Variants in PEAK1 observed in about 807,000 individuals in gnomAD.
PEAK1 encodes pseudopodium enriched atypical kinase 1.
A neutral mutation model predicts 124.7 loss-of-function variants in PEAK1; 54 were observed. That is an observed-to-expected ratio of 0.43 (90% CI 0.35 to 0.54). The LOEUF is 0.54. Ranked by LOEUF, PEAK1 falls within the 20% of genes least tolerant of loss-of-function variation. The pLI is 0.01. For synonymous variants in PEAK1, 719 were observed against 760.0 expected (o/e 0.95, Z 0.89); for missense variants, 2,046 against 2,134.5 (o/e 0.96, Z 0.82).
At chr15:77,243,423 ATTAT>A (rs1239142272) in intron 6 of PEAK1, among the ~76,000 whole-genome samples, 1 of 152,192 alleles carries the variant, frequency 6.6e-6, no homozygotes, top group Non-Finnish European at 1.5e-5. Context: ...TTTACATCCG[ATTAT>A]TTATTTCTTT....
At chr15:77,331,039 A>G (rs758748604) in intron 2 of PEAK1, 17 of 881,170 alleles carry the variant, frequency 1.9e-5, no homozygotes, top group Non-Finnish European at 2.2e-5. Flanking sequence ...ATTTACTATT[A>G]GCATTCCTAA....
chr15:77,372,176 A>C (rs2068689276), intron 1 of PEAK1, among the ~76,000 whole-genome samples: 1 of 152,218 alleles, frequency 6.6e-6, no homozygotes, highest in Non-Finnish European at 1.5e-5. Context: ...AAGAAGATGC[A>C]TTGCTCCACT....
At position 77,180,445 on chromosome 15, in the gene PEAK1, G is replaced by A; in HGVS notation, c.1482C>T (p.Asn494=). Residue 494 remains asparagine (N), a synonymous_variant, in exon 7 of 10, where the codon AAC becomes AAT. Coordinates refer to ENST00000682557, the MANE Select transcript of PEAK1 (RefSeq NM_001385026.1). The part of the protein sequence containing the change: ...MASEHLEGPV[N]SPKTKSSSST... The stretch of plus-strand genomic sequence containing the variant: ...AGGATGAGCTTTTTGTCTTGGGGCT[G>A]TTAACAGGGCCCTCGAGGTGCTCAC... 8.1e-6 allele frequency: 13 copies of A among 1,614,142 alleles called. No homozygotes were observed. Among genetic ancestry groups the A allele is most frequent in the Non-Finnish European group, 1.1e-5 (13 of 1,180,018 alleles).
intron 6 of PEAK1, among the ~76,000 whole-genome samples, chr15:77,244,013 CA>C (rs1015701942): frequency 1.3e-5 from 2 of 151,526 alleles, no homozygotes; most frequent in Non-Finnish European, 2.9e-5. Flanking sequence ...AGATGGTTGG[CA>C]AAAGTGATCA....
chr15:77,374,618 G>A (rs1257593733), intron 1 of PEAK1, among the ~76,000 whole-genome samples: 1 of 151,944 alleles, frequency 6.6e-6, no homozygotes, highest in Non-Finnish European at 1.5e-5. Flanking sequence ...ATCTTTTTAG[G>A]CTCCTTCCTT....
At chr15:77,124,265 C>T (rs1487629578) in intron 9 of PEAK1, among the ~76,000 whole-genome samples, 1 of 152,222 alleles carries the variant, frequency 6.6e-6, no homozygotes, top group African/African-American at 2.4e-5. Flanking sequence ...TCCCACTTTG[C>T]AGACTCTTCC....
intron 2 of PEAK1, chr15:77,346,827 A>C (rs2141390824): frequency 1.3e-6 from 1 of 773,590 alleles, no homozygotes; most frequent in East Asian, 1.3e-4. Context: ...TGTAGGTGCT[A>C]GAGATACAGC....
chr15:77,217,132 G>A (rs2059182045), intron 6 of PEAK1, among the ~76,000 whole-genome samples: 1 of 150,664 alleles, frequency 6.6e-6, no homozygotes, highest in Admixed American at 6.7e-5. Flanking sequence ...AGGAGGCTGA[G>A]GTGGAAGGAT....
In PEAK1 at chr15:77,181,457, G is replaced by C. The variant is rs2057266732; in HGVS notation, c.470C>G (p.Ala157Gly). ...TATCTGAGGGGCAGTATCCAAGCCT[G>C]CTATCTCCTTTAACACTTCAGTTAG... ...NGLTEVLKEI[A>G]GLDTAPQIRG... Residue 157 changes from alanine (A) to glycine (G), a missense_variant, in exon 7 of 10, where the codon GCA (alanine) becomes GGA (glycine). By Grantham distance (60) the Ala-to-Gly change is moderately conservative. Transcript: ENST00000682557. 5 of 1,614,102 alleles carry C rather than the reference G, an allele frequency of 3.1e-6. No individual in the cohort carries two copies. Among genetic ancestry groups the C allele is most frequent in the Middle Eastern group, 1.6e-4 (1 of 6,062 alleles).
At chr15:77,298,032 T>C (rs1252013894) in intron 2 of PEAK1, among the ~76,000 whole-genome samples, 1 of 110,588 alleles carries the variant, frequency 9.0e-6, no homozygotes, top group East Asian at 2.7e-4. Context: ...CAGTCTGCAG[T>C]CCGGCCTGGG....
intron 2 of PEAK1, chr15:77,346,379 C>T: frequency 8.1e-6 from 8 of 984,782 alleles, no homozygotes; most frequent in Non-Finnish European, 9.6e-6. Context: ...TAATCCCAGA[C>T]AGAAAAATGT....
chr15:77,338,290 G>A (rs1046454101), intron 2 of PEAK1, among the ~76,000 whole-genome samples: 1 of 152,124 alleles, frequency 6.6e-6, no homozygotes, highest in South Asian at 2.1e-4. Context: ...AAATAATTAG[G>A]TTCAACTCAT....
intron 2 of PEAK1, among the ~76,000 whole-genome samples, chr15:77,326,877 T>C (rs931507601): frequency 3.9e-5 from 6 of 152,106 alleles, no homozygotes; most frequent in Non-Finnish European, 7.4e-5. Context: ...CTATCTCATG[T>C]ACCATATTTA....
At chr15:77,331,971 T>A (rs1447540197) in intron 2 of PEAK1, among the ~76,000 whole-genome samples, 1 of 150,962 alleles carries the variant, frequency 6.6e-6, no homozygotes, top group Non-Finnish European at 1.5e-5. Flanking sequence ...GCGAGGTGGC[T>A]CACACCTGTA....
intron 6 of PEAK1, among the ~76,000 whole-genome samples, chr15:77,189,171 A>C (rs543031305): frequency 1.4e-4 from 21 of 152,320 alleles, no homozygotes; most frequent in African/African-American, 5.1e-4. Flanking sequence ...ACTGCACTCC[A>C]GCCTAGGCAA....
At chr15:77,288,587 A>C (rs148395023) in intron 2 of PEAK1, among the ~76,000 whole-genome samples, 1 of 152,352 alleles carries the variant, frequency 6.6e-6, no homozygotes. Context: ...TTTTGGAGAA[A>C]AGGTCTTAAC....
At chr15:77,203,366 T>G (rs531306269) in intron 6 of PEAK1, among the ~76,000 whole-genome samples, 38 of 152,272 alleles carry the variant, frequency 2.5e-4, no homozygotes, top group African/African-American at 8.7e-4. Flanking sequence ...CTGTGAAAAT[T>G]TAAAAATCAT....
chr15:77,176,011 C>A (rs1455490196), intron 7 of PEAK1, among the ~76,000 whole-genome samples: 4 of 151,748 alleles, frequency 2.6e-5, no homozygotes, highest in Non-Finnish European at 4.4e-5. Context: ...GGACAAAAAA[C>A]CAAACACTGC....
chr15:77,325,482 G>A (rs1466612719), intron 2 of PEAK1, among the ~76,000 whole-genome samples: 4 of 151,732 alleles, frequency 2.6e-5, no homozygotes. Flanking sequence ...TTTCCTTGGT[G>A]TGACCATGGC....
Sources: allele counts gnomAD v4.1 joint callset (sites outside exome capture counted in the v4.1 genomes callset), GRCh38; gene constraint gnomAD v4.1.1; transcripts MANE v1.5; gene names NCBI Gene and HGNC (gene_info 2026-07-23, HGNC 2026-07-21).